The following NFKBIZ variants were observed in gnomAD, a reference collection of about 807,000 sequenced individuals.
NFKBIZ encodes the protein NF-kappa-B inhibitor zeta.
In NFKBIZ, 19 loss-of-function variants were observed where a neutral mutation model predicts 76.8. The observed-to-expected ratio is 0.25, with a 90% CI of 0.17 to 0.36. The LOEUF is 0.36. Ranked by LOEUF, NFKBIZ falls within the 10% of genes least tolerant of loss-of-function variation. NFKBIZ has a pLI of 1.00. For missense variants in NFKBIZ, 829 were observed against 910.9 expected (o/e 0.91, Z 1.16); for synonymous variants, 368 against 354.8 (o/e 1.04, Z -0.42).
chr3:101,856,188 C>G lies in NFKBIZ; in HGVS notation c.1824+286C>G, dbSNP rs551445608. The stretch of plus-strand genomic sequence containing the variant: ...GCCTCAGCCTGCCCAGTAGCTGGGA[C>G]TACAGGTGCCTACCACCACACCCAG... On this transcript the variant is annotated intron_variant, in intron 9 of 11. Transcript: ENST00000326172. 5.3e-5 allele frequency among the ~76,000 whole-genome samples: 8 copies of G among 152,080 alleles called. No individual in the cohort carries two copies. The South Asian group carries it at 6.2e-4, about 12-fold the overall frequency.
chr3:101,843,347 G>A (rs1371898332), intron 2 of NFKBIZ, among the ~76,000 whole-genome samples: 2 of 152,178 alleles, frequency 1.3e-5, no homozygotes, highest in Non-Finnish European at 2.9e-5. Context: ...GGAGACTGAG[G>A]TGGGAGGAGA....
Position 101,859,873 on chromosome 3 carries a change from A to G in NFKBIZ, c.*502A>G. Reference sequence around the variant, plus strand: ...GAAAGGTGTCCATGGTTAGAATTTGATCTTTGCAAACTGTATATAATTGTT... The same window carrying G: ...GAAAGGTGTCCATGGTTAGAATTTGGTCTTTGCAAACTGTATATAATTGTT... On this transcript the variant is annotated 3_prime_UTR_variant, in exon 12 of 12. Coordinates refer to ENST00000326172, the MANE Select transcript of NFKBIZ (RefSeq NM_031419.4). 6.5e-6 allele frequency: 1 copy of G among 153,622 alleles called. No individual in the cohort carries two copies. Among genetic ancestry groups the G allele is most frequent in the East Asian group, 1.9e-4 (1 of 5,274 alleles). The allele number at this position is 153,622 out of a possible 1,614,324, so 9.5% of individuals were successfully genotyped here.
At chr3:101,854,964 C>T (rs1353295102) in intron 6 of NFKBIZ, 98 bp from the exon 7 acceptor site, 2 of 1,297,640 alleles carry the variant, frequency 1.5e-6, no homozygotes, top group East Asian at 2.4e-5. Context: ...TTTATTTTCT[C>T]TCTGTGGGTT....
chr3:101,841,085 A>G (rs1403495379), intron 2 of NFKBIZ, among the ~76,000 whole-genome samples: 2 of 152,316 alleles, frequency 1.3e-5, no homozygotes, highest in African/African-American at 2.4e-5. Context: ...ACCTTTTGCT[A>G]ATTCATCTGT....
At position 101,855,620 on chromosome 3, in the gene NFKBIZ, G is replaced by A. The variant is rs1943038647; in HGVS notation, c.1655-113G>A. The A allele has an allele frequency of 3.1e-6, 4 of 1,284,418 alleles. No individual in the cohort carries two copies. In the East Asian group the frequency reaches 7.0e-5, roughly 22 times the overall value. 79.6% of individuals were successfully genotyped at this position (1,284,418 alleles called of 1,614,324 possible). A position where few individuals can be genotyped will look rare whatever the true frequency, so the allele number is the denominator to read the frequency against. On this transcript the variant is annotated intron_variant, in intron 8 of 11. Transcript: ENST00000326172. Reference sequence around the variant, plus strand: ...TATTCAGATTGCCTTACTAGTTCTTGTGGAGCCCATTTATAGGTTAAGTTA... The same window carrying A: ...TATTCAGATTGCCTTACTAGTTCTTATGGAGCCCATTTATAGGTTAAGTTA...
Position 101,855,443 on chromosome 3 carries a change from G to T in NFKBIZ, c.1639G>T (p.Ala547Ser). 1 of 1,614,048 alleles carries T rather than the reference G, an allele frequency of 6.2e-7. No homozygotes were observed. The highest frequency in any genetic ancestry group is 8.5e-7 in the Non-Finnish European group (1 of 1,179,950). The change falls in exon 8 of 12, where the codon GCA (alanine) becomes TCA (serine). Residue 547 changes from alanine to serine, a missense_variant. Transcript: ENST00000326172. Reference protein sequence around the residue: ...VGSNQFVDLEATNYDGLTPLH... With the variant: ...VGSNQFVDLESTNYDGLTPLH... ...AAGTAATCAGTTTGTGGATCTTGAG[G>T]CAACTAACTATGATGGTAAGCAACT...
At chr3:101,837,074 G>C (rs1330670287) in intron 2 of NFKBIZ, among the ~76,000 whole-genome samples, 1 of 152,122 alleles carries the variant, frequency 6.6e-6, no homozygotes, top group Non-Finnish European at 1.5e-5. Context: ...TAAGAAATCT[G>C]TTTACACCAT....
Position 101,853,854 on chromosome 3 carries a change from A to G in NFKBIZ, c.1328A>G (p.Asp443Gly). ...SQDQFLSKDA[D>G]GDTFLHIAVA... ...GACCAGTTTCTTTCAAAGGATGCAG[A>G]TGGTGACACGTGAGTATTCTTTTAT... Residue 443 changes from aspartate to glycine, a missense_variant, in exon 5 of 12, where the codon GAT (aspartate) becomes GGT (glycine). Physicochemically the swap from Asp to Gly is moderately conservative, Grantham distance 94 (BLOSUM62 -1). Transcript: ENST00000326172. 1 of 1,612,634 alleles carries G rather than the reference A, an allele frequency of 6.2e-7. No homozygotes were observed. Among genetic ancestry groups the G allele is most frequent in the Non-Finnish European group, 8.5e-7 (1 of 1,179,626 alleles).
chr3:101,858,267 C>A, intron 11 of NFKBIZ: 1 of 973,644 alleles, frequency 1.0e-6, no homozygotes, highest in Non-Finnish European at 1.2e-6. Flanking sequence ...TTATAGTAGC[C>A]CCTATTTATA....
chr3:101,834,825 G>T (rs1942694507), intron 2 of NFKBIZ, among the ~76,000 whole-genome samples: 1 of 152,284 alleles, frequency 6.6e-6, no homozygotes, highest in Middle Eastern at 3.4e-3. Context: ...CCACACAGCT[G>T]CCACTGTGAT....
upstream of NFKBIZ, chr3:101,849,483 T>G: frequency 4.6e-6 from 3 of 649,494 alleles, no homozygotes; most frequent in Non-Finnish European, 6.5e-6. Flanking sequence ...CTGCGGCCCG[T>G]TAAATACCCT....
Position 101,829,611 on chromosome 3 carries a change from A to G in NFKBIZ, c.-87-2A>G, listed in dbSNP as rs1264679597. ...GGAGGCCTCTTGATTTTTTTCTCCCAGGTTAACAGGAAGATCTCGAGGGCC... is the reference window on the plus strand; with the variant it reads ...GGAGGCCTCTTGATTTTTTTCTCCCGGGTTAACAGGAAGATCTCGAGGGCC... On this transcript the variant is annotated splice_acceptor_variant, in intron 1 of 12. Transcript: ENST00000394054. LOFTEE classifies it low-confidence loss of function (5UTR_SPLICE). The G allele has an allele frequency of 1.3e-5, 2 of 152,034 alleles. No individual in the cohort carries two copies. Among genetic ancestry groups the G allele is most frequent in the African/African-American group, 4.8e-5 (2 of 41,374 alleles). The allele number at this position is 152,034 out of a possible 1,614,324, so 9.4% of individuals were successfully genotyped here. A position where few individuals can be genotyped will look rare whatever the true frequency, so the allele number is the denominator to read the frequency against.
chr3:101,850,915 TG>T (rs1942948410), intron 1 of NFKBIZ, among the ~76,000 whole-genome samples: 1 of 152,274 alleles, frequency 6.6e-6, no homozygotes, highest in Admixed American at 6.5e-5. Flanking sequence ...GAAACTGTTC[TG>T]CTGGTCCCTT....
chr3:101,853,953 A>G, intron 5 of NFKBIZ, 90 bp downstream of exon 5: 8 of 1,279,814 alleles, frequency 6.3e-6, no homozygotes, highest in South Asian at 1.4e-5. Context: ...ATAACAAGGT[A>G]TACCTTAGTT....
chr3:101,849,990 A>G, intron 1 of NFKBIZ, 73 bp downstream of exon 1: 1 of 1,284,246 alleles, frequency 7.8e-7, no homozygotes, highest in Non-Finnish European at 9.9e-7. Context: ...GACTCCCCAG[A>G]TGGAGGGTGG....
Position 101,853,620 on chromosome 3 carries a change from A to T in NFKBIZ, c.1094A>T (p.Gln365Leu), listed in dbSNP as rs142955267. The T allele has an allele frequency of 2.5e-5, 41 of 1,614,152 alleles. No homozygotes were observed. In the African/African-American group the frequency reaches 5.1e-4, roughly 20 times the overall value. ...NPMQTSSSVQQQNDAHLHSFS... is the reference protein window; with the variant it reads ...NPMQTSSSVQLQNDAHLHSFS... Reference sequence around the variant, plus strand: ...ATGCAGACTTCCTCCAGTGTTCAGCAGCAAAATGATGCTCACTTGCACAGC... The same window carrying T: ...ATGCAGACTTCCTCCAGTGTTCAGCTGCAAAATGATGCTCACTTGCACAGC... The change falls in exon 5 of 12, where the codon CAG becomes CTG. Residue 365 changes from glutamine to leucine, a missense_variant. By Grantham distance (113) the Gln-to-Leu change is moderately radical (BLOSUM62 -2). Transcript: ENST00000326172.
Position 101,859,371 on chromosome 3 carries a change from G to A in NFKBIZ, c.2157G>A (p.Ter719=). The A allele has an allele frequency of 6.2e-7, 1 of 1,613,364 alleles. No homozygotes were observed. The highest frequency in any genetic ancestry group is 8.5e-7 in the Non-Finnish European group (1 of 1,179,380). ...KSIQQRAPPY[*] is the part of the protein sequence containing the mutation. ...TTCAGCAGAGAGCTCCACCGTATTA[G>A]CTCCATTAGCTTGGAGCCTGGCTAG... The change falls in exon 12 of 12, where the codon TAG becomes TAA. Residue 719 remains the stop codon, a stop_retained_variant. Coordinates refer to ENST00000326172, the MANE Select transcript of NFKBIZ (RefSeq NM_031419.4).
intron 1 of NFKBIZ, 40 bp downstream of exon 1, chr3:101,849,957 C>G: frequency 8.1e-6 from 11 of 1,357,332 alleles, no homozygotes; most frequent in Non-Finnish European, 1.0e-5. Context: ...TCGGGGCGCG[C>G]ACGCCTAGGA....
chr3:101,853,139 C>T lies in NFKBIZ; in HGVS notation c.613C>T (p.Leu205Phe), dbSNP rs1942995801. ...TPGESMEDVHLNEPKQESSAD... is the reference protein window; with the variant it reads ...TPGESMEDVHFNEPKQESSAD... ...CGGGGAGAGCATGGAAGATGTTCAT[C>T]TCAATGAACCCAAACAGGAGAGCAG... is the stretch of plus-strand genomic sequence containing the variant. Residue 205 changes from leucine (L) to phenylalanine (F), a missense_variant, in exon 5 of 12, where the codon CTC (leucine) becomes TTC (phenylalanine). Physicochemically the swap from Leu to Phe is conservative, Grantham distance 22. Coordinates refer to ENST00000326172, the MANE Select transcript of NFKBIZ (RefSeq NM_031419.4). 1 of 1,614,148 alleles carries T rather than the reference C, an allele frequency of 6.2e-7. No homozygotes were observed. The highest frequency in any genetic ancestry group is 1.1e-5 in the South Asian group (1 of 91,088).
Sources: gnomAD v4.1 joint callset for allele counts (sites outside exome capture counted in the v4.1 genomes callset) on GRCh38, gnomAD v4.1.1 for gene constraint, MANE v1.5 for transcripts, NCBI Gene and HGNC (gene_info 2026-07-23, HGNC 2026-07-21) for gene names.